FLACC1: variants seen among roughly 807,000 people sequenced by gnomAD.
FLACC1 encodes flagellum associated containing coiled-coil domains 1.
FLACC1 carries 66 observed loss-of-function variants against 62.8 expected under a neutral mutation model. That is an observed-to-expected ratio of 1.05 (90% CI 0.86 to 1.29). The LOEUF (loss-of-function observed/expected upper bound fraction) is 1.29, where lower values mean the gene tolerates loss of function less well. FLACC1 is among the 50% of genes most tolerant of loss of function. The pLI is 0.00. For missense variants in FLACC1, 452 were observed against 489.1 expected, an observed-to-expected ratio of 0.92 and a Z score of 0.71; for synonymous variants, 156 against 161.0, an observed-to-expected ratio of 0.97 and a Z score of 0.24.
Position 201,346,434 on chromosome 2 carries a change from G to A in FLACC1, c.368+108C>T. ...TGCCCTTGCGGCCCCTCCAGAGCAGGGACCAGTGGCCTGGGTGTGGGCATA... is the reference window on the plus strand; with the variant it reads ...TGCCCTTGCGGCCCCTCCAGAGCAGAGACCAGTGGCCTGGGTGTGGGCATA... On this transcript the variant is annotated intron_variant, in intron 5 of 14. Transcript: ENST00000392257. This position sits in a 1 kb window ranked among gnomAD's most constrained non-coding sequence, Gnocchi z 4.0. The A allele has an allele frequency of 2.6e-6, 4 of 1,518,436 alleles. No individual in the cohort carries two copies. In the South Asian group the frequency reaches 4.9e-5, roughly 19 times the overall value. The allele number at this position is 1,518,436 out of a possible 1,614,324, so 94.1% of individuals were successfully genotyped here.
intron 9 of FLACC1, among the ~76,000 whole-genome samples, chr2:201,314,594 A>G (rs985692590): frequency 2.6e-5 from 4 of 152,372 alleles, no homozygotes; most frequent in South Asian, 2.1e-4. Flanking sequence ...AGAGAAATCT[A>G]AAAGTTTGGA....
At chr2:201,347,824 G>T (rs78304241) in intron 4 of FLACC1, among the ~76,000 whole-genome samples, 1 of 152,192 alleles carries the variant, frequency 6.6e-6, no homozygotes, top group Admixed American at 6.5e-5. Flanking sequence ...GGCGTCAAGA[G>T]CCTTCGAGTT....
chr2:201,323,105 CA>C (rs1950435944), intron 9 of FLACC1, among the ~76,000 whole-genome samples: 2 of 152,018 alleles, frequency 1.3e-5, no homozygotes, highest in Non-Finnish European at 2.9e-5. Context: ...GTTAAACAGC[CA>C]AACCTAAGAA....
chr2:201,295,549 A>T (rs1289427899), intron 12 of FLACC1, among the ~76,000 whole-genome samples: 2 of 152,218 alleles, frequency 1.3e-5, no homozygotes, highest in African/African-American at 4.8e-5. Flanking sequence ...ACCTAAAACC[A>T]TAAAAACCCT....
At chr2:201,344,109 G>T in intron 6 of FLACC1, 61 bp downstream of exon 6, 1 of 1,461,196 alleles carries the variant, frequency 6.8e-7, no homozygotes, top group South Asian at 1.2e-5. Flanking sequence ...GCACATAGGT[G>T]ATTCAAAAAT....
rs750806871 is a variant in FLACC1, at chr2:201,307,489, C to T, written c.879+30G>A. 1.9e-6 allele frequency: 3 copies of T among 1,564,254 alleles called. No homozygotes were observed. In the East Asian group the frequency reaches 6.7e-5, roughly 35 times the overall value. Reference sequence around the variant, plus strand: ...GGGTGTACCACCTGGACTACCCATTCAATCACCAAGGTGCTTTGGGCTGAG... The same window carrying T: ...GGGTGTACCACCTGGACTACCCATTTAATCACCAAGGTGCTTTGGGCTGAG... On this transcript the variant is annotated intron_variant, in intron 11 of 14. Coordinates refer to ENST00000392257, the MANE Select transcript of FLACC1 (RefSeq NM_001127391.3).
intron 12 of FLACC1, among the ~76,000 whole-genome samples, chr2:201,294,474 G>T (rs144809101): frequency 6.6e-6 from 1 of 152,004 alleles, no homozygotes; most frequent in Non-Finnish European, 1.5e-5. Context: ...TTCGAAAACC[G>T]TTCATGCTAA....
chr2:201,310,258 T>A (rs529730263), intron 9 of FLACC1, among the ~76,000 whole-genome samples: 1 of 142,804 alleles, frequency 7.0e-6, no homozygotes, highest in East Asian at 2.1e-4. Context: ...TCCCTGAATA[T>A]ACCAAGGAGT....
chr2:201,337,740 C>G (rs1018751369), intron 7 of FLACC1, among the ~76,000 whole-genome samples: 1 of 152,176 alleles, frequency 6.6e-6, no homozygotes, highest in South Asian at 2.1e-4. Flanking sequence ...GCAGGCTAGT[C>G]TGAAACTCCT....
chr2:201,296,069 G>A (rs1949854157), intron 12 of FLACC1, among the ~76,000 whole-genome samples: 1 of 152,184 alleles, frequency 6.6e-6, no homozygotes, highest in Non-Finnish European at 1.5e-5. Context: ...TGGTGGGACT[G>A]TAAACTAGTT....
intron 12 of FLACC1, among the ~76,000 whole-genome samples, chr2:201,291,747 G>A (rs531198850): frequency 2.0e-5 from 3 of 152,128 alleles, no homozygotes; most frequent in African/African-American, 4.8e-5. Flanking sequence ...GAGAAAGTTC[G>A]AACTCATGGC....
At chr2:201,350,895 C>T (rs1166616382) in intron 2 of FLACC1, 113 bp from the exon 3 acceptor site, 1 of 844,008 alleles carries the variant, frequency 1.2e-6, no homozygotes, top group Admixed American at 2.4e-5. Flanking sequence ...AATGCATGAT[C>T]TGATAGCTGG....
intron 7 of FLACC1, among the ~76,000 whole-genome samples, chr2:201,337,331 G>T (rs1420891621): frequency 1.3e-5 from 2 of 152,064 alleles, no homozygotes; most frequent in Non-Finnish European, 2.9e-5. Context: ...AGAGATAGGG[G>T]TCTAGTTTCA....
intron 4 of FLACC1, 198 bp downstream of exon 4, chr2:201,348,056 G>T: frequency 2.1e-6 from 1 of 486,118 alleles, no homozygotes; most frequent in Non-Finnish European, 3.6e-6. Flanking sequence ...TGCCCACTCT[G>T]GAATCTAGCT....
rs1291260608 is a variant in FLACC1 at position 201,325,736 on chromosome 2, ACCAGATGTTCAAT to A, written c.675+4721_675+4733del. Among the ~76,000 whole-genome samples the A allele has an allele frequency of 2.1e-4, 32 of 152,344 alleles. No individual in the cohort carries two copies. The South Asian group carries it at 6.2e-3, about 30-fold the overall frequency. On this transcript the variant is annotated intron_variant, in intron 9 of 14. Transcript: ENST00000392257. ...CTAGATGGATTCACAGCTGAATTCCACCAGATGTTCAATGAAGAATTGGTACAATCCTACTGAA... is the reference window on the plus strand; with the variant it reads ...CTAGATGGATTCACAGCTGAATTCCAGAAGAATTGGTACAATCCTACTGAA...
At chr2:201,352,264 G>A (rs1429590777) in intron 1 of FLACC1, among the ~76,000 whole-genome samples, 1 of 152,146 alleles carries the variant, frequency 6.6e-6, no homozygotes, top group East Asian at 1.9e-4. Flanking sequence ...GAGCTACAGT[G>A]CAAATGAATC....
rs1362590763 is a variant in FLACC1, at chr2:201,326,267, C to A, written c.675+4203G>T. On this transcript the variant is annotated intron_variant, in intron 9 of 14. Transcript: ENST00000392257. This position sits in a 1 kb window ranked among gnomAD's most constrained non-coding sequence, Gnocchi z 4.1. ...TGAGAACCGGAACAAGACAAGATGG[C>A]CACCTTCACTTTCACCACTCTCATT... is the stretch of plus-strand genomic sequence containing the variant. Among the ~76,000 whole-genome samples, 1 of 152,156 alleles carries A rather than the reference C, an allele frequency of 6.6e-6. No homozygotes were observed. Among genetic ancestry groups the A allele is most frequent in the Non-Finnish European group, 1.5e-5 (1 of 68,016 alleles).
At chr2:201,307,963 T>C (rs555052840) in intron 10 of FLACC1, among the ~76,000 whole-genome samples, 1 of 152,216 alleles carries the variant, frequency 6.6e-6, no homozygotes, top group Non-Finnish European at 1.5e-5. Context: ...AATAAAGCTC[T>C]TGGCTAACAT....
intron 1 of FLACC1, among the ~76,000 whole-genome samples, chr2:201,356,183 G>A (rs570730023): frequency 2.0e-5 from 3 of 152,222 alleles, no homozygotes; most frequent in East Asian, 1.9e-4. Flanking sequence ...GTTTTGAGAC[G>A]GAGTTTTGCT....
Sources: allele counts gnomAD v4.1 joint callset (sites outside exome capture counted in the v4.1 genomes callset), GRCh38; gene constraint gnomAD v4.1.1; non-coding constraint Gnocchi (gnomAD v3.1); transcripts MANE v1.5; gene names NCBI Gene and HGNC (gene_info 2026-07-23, HGNC 2026-07-21).